Variants in PIGU observed in about 807,000 individuals in gnomAD.
The protein encoded by PIGU is phosphatidylinositol glycan anchor biosynthesis class U.
PIGU carries 24 observed loss-of-function variants against 49.9 expected under a neutral mutation model. The observed-to-expected ratio is 0.48, with a 90% confidence interval of 0.35 to 0.68. The LOEUF (loss-of-function observed/expected upper bound fraction) is 0.68. Among genes scored for constraint, PIGU ranks in the 30% least tolerant of loss-of-function variants. The probability of loss-of-function intolerance (pLI) is 0.01; values close to 1 mark genes in which losing one functional copy is unlikely to be tolerated. For synonymous variants in PIGU, 220 were observed against 205.7 expected (o/e 1.07, Z -0.59); for missense variants, 490 against 532.6 (o/e 0.92, Z 0.79).
At chr20:34,624,852 CAG>C (rs990705681) in intron 6 of PIGU, among the ~76,000 whole-genome samples, 2 of 152,122 alleles carry the variant, frequency 1.3e-5, no homozygotes, top group Non-Finnish European at 2.9e-5. Flanking sequence ...CTGCATCTCT[CAG>C]AGTGTCCCAG....
intron 11 of PIGU, chr20:34,562,482 A>AG (rs1399390232): frequency 1.6e-6 from 2 of 1,289,288 alleles, no homozygotes; most frequent in Non-Finnish European, 2.0e-6. Flanking sequence ...AGGCGCCTGG[A>AG]GGAGTTCAGG....
intron 6 of PIGU, among the ~76,000 whole-genome samples, chr20:34,628,759 A>C (rs1336846139): frequency 1.3e-5 from 2 of 152,168 alleles, no homozygotes; most frequent in East Asian, 3.9e-4. Flanking sequence ...GTTGAGGCAC[A>C]AGAATCACTT....
At chr20:34,562,310 C>G (rs1034977919) in intron 11 of PIGU, 2 of 726,986 alleles carry the variant, frequency 2.8e-6, no homozygotes, top group Non-Finnish European at 3.4e-6. Flanking sequence ...GGATTGGCAC[C>G]AACCACCTGG....
At chr20:34,576,473 T>C (rs2889849) in intron 10 of PIGU, among the ~76,000 whole-genome samples, 126,667 of 152,078 alleles carry the variant, frequency 0.83, 53,020 homozygotes, top group Admixed American at 0.91. Flanking sequence ...GAGAACCCCT[T>C]GCTTGCCTTT....
At chr20:34,657,949 A>T (rs1168987415) in intron 1 of PIGU, among the ~76,000 whole-genome samples, 9 of 149,250 alleles carry the variant, frequency 6.0e-5, no homozygotes, top group African/African-American at 2.0e-4. Flanking sequence ...CCTCTCCCTC[A>T]CCCTCTCCCT....
intron 6 of PIGU, among the ~76,000 whole-genome samples, chr20:34,630,820 T>G (rs904178704): frequency 1.3e-5 from 2 of 151,944 alleles, no homozygotes; most frequent in African/African-American, 4.8e-5. Flanking sequence ...CTAAATTCCT[T>G]TTTTTGTAGA....
chr20:34,570,454 G>A (rs947571124), intron 11 of PIGU, among the ~76,000 whole-genome samples: 5 of 149,218 alleles, frequency 3.4e-5, no homozygotes, highest in African/African-American at 9.9e-5. Context: ...TCGCTCTGTC[G>A]CCCAGGCTGG....
rs188566099 is a variant in PIGU, at chr20:34,563,795, T to C, written c.1195-2816A>G. On this transcript the variant is annotated intron_variant, in intron 11 of 11. Transcript: ENST00000217446. ...TGAGGAGCAGGGAAAGGGAAAAGAG[T>C]AACTTTACAGTGGAGAGACCTGGCC... 2.9e-4 allele frequency among the ~76,000 whole-genome samples: 44 copies of C among 152,108 alleles called. No individual in the cohort carries two copies. In the East Asian group the frequency reaches 7.9e-3, roughly 27 times the overall value.
At chr20:34,642,990 C>T (rs1204451317) in intron 4 of PIGU, among the ~76,000 whole-genome samples, 3 of 151,854 alleles carry the variant, frequency 2.0e-5, no homozygotes, top group South Asian at 2.1e-4. Context: ...ACAGTCACTG[C>T]TAATTTATAT....
chr20:34,665,543 T>C lies in PIGU; in HGVS notation c.131-8299A>G, dbSNP rs557589824. 7.9e-4 allele frequency among the ~76,000 whole-genome samples: 120 copies of C among 151,254 alleles called. 3 individuals carry two copies. In the South Asian group the frequency reaches 0.024, roughly 31 times the overall value. ...TTTTAGTAGAGGCGGGGTTTTACCATGTTGGCCAGGCTGATCTCACACTCC... is the reference window on the plus strand; with the variant it reads ...TTTTAGTAGAGGCGGGGTTTTACCACGTTGGCCAGGCTGATCTCACACTCC... On this transcript the variant is annotated intron_variant, in intron 1 of 11. Transcript: ENST00000217446.
intron 9 of PIGU, among the ~76,000 whole-genome samples, chr20:34,584,468 C>G (rs998572510): frequency 1.3e-5 from 2 of 148,558 alleles, no homozygotes; most frequent in African/African-American, 5.0e-5. Context: ...ACCAGATACA[C>G]TTTTTCCAAA....
intron 7 of PIGU, among the ~76,000 whole-genome samples, chr20:34,612,210 T>C (rs904865298): frequency 6.6e-6 from 1 of 152,148 alleles, no homozygotes; most frequent in Admixed American, 6.5e-5. Flanking sequence ...TGCAGGGACA[T>C]GGATGAAGCT....
intron 1 of PIGU, among the ~76,000 whole-genome samples, chr20:34,666,514 T>TTTAA (rs528356289): frequency 6.6e-6 from 1 of 150,746 alleles, no homozygotes; most frequent in African/African-American, 2.4e-5. Context: ...AGCAAGCTTA[T>TTTAA]TTAATTAATT....
chr20:34,611,338 G>T (rs972968502), intron 7 of PIGU, among the ~76,000 whole-genome samples: 1 of 151,762 alleles, frequency 6.6e-6, no homozygotes, highest in African/African-American at 2.4e-5. Context: ...AATCTACAAG[G>T]AACTTAAATT....
intron 6 of PIGU, among the ~76,000 whole-genome samples, chr20:34,625,380 A>AC (rs1005221747): frequency 6.6e-6 from 1 of 151,710 alleles, no homozygotes; most frequent in African/African-American, 2.4e-5. Flanking sequence ...AAAAAAAAAA[A>AC]AACAAAAAAA....
At chr20:34,562,541 C>G in intron 11 of PIGU, 2 of 1,289,432 alleles carry the variant, frequency 1.6e-6, no homozygotes, top group South Asian at 1.2e-5. Context: ...CAAGTACCTG[C>G]CATTCTATCA....
intron 11 of PIGU, among the ~76,000 whole-genome samples, chr20:34,565,679 CCTCTT>C (rs1287347975): frequency 6.6e-6 from 1 of 151,600 alleles, no homozygotes; most frequent in African/African-American, 2.4e-5. Context: ...TCAGACTTGC[CCTCTT>C]CTCTTCCTGC....
intron 4 of PIGU, among the ~76,000 whole-genome samples, chr20:34,640,508 C>A (rs6088559): frequency 0.31 from 42,498 of 138,008 alleles, 7,640 homozygotes; most frequent in Non-Finnish European, 0.41. Context: ...CGCACACACA[C>A]ACACACACAC....
intron 7 of PIGU, among the ~76,000 whole-genome samples, chr20:34,600,991 G>A (rs2146726393): frequency 6.6e-6 from 1 of 151,678 alleles, no homozygotes; most frequent in Non-Finnish European, 1.5e-5. Context: ...CCGAGATGGT[G>A]CCATTGCACT....
Sources: allele counts gnomAD v4.1 joint callset (sites outside exome capture counted in the v4.1 genomes callset), GRCh38; gene constraint gnomAD v4.1.1; transcripts MANE v1.5; gene names NCBI Gene and HGNC (gene_info 2026-07-23, HGNC 2026-07-21).